SDHAF3: variants seen among roughly 807,000 people sequenced by gnomAD.
The protein encoded by SDHAF3 is succinate dehydrogenase complex assembly factor 3.
A neutral mutation model predicts 11.5 loss-of-function variants in SDHAF3; 18 were observed. The ratio of observed to expected loss-of-function variants is 1.56; its 90% CI spans 1.08 to 2.32. The LOEUF is 2.32. SDHAF3 is among the 30% of genes most tolerant of loss of function. The pLI, the probability that SDHAF3 is intolerant of heterozygous loss-of-function variation, is 0.00. For synonymous variants in SDHAF3, 72 were observed against 59.3 expected (o/e 1.21, Z -0.99); for missense variants, 200 against 154.4 (o/e 1.30, Z -1.57).
At chr7:97,172,833 T>C (rs962986553) in intron 1 of SDHAF3, among the ~76,000 whole-genome samples, 2 of 152,232 alleles carry the variant, frequency 1.3e-5, no homozygotes, top group African/African-American at 4.8e-5. Context: ...TATAATAAGA[T>C]GTTTAAGAAA....
intron 1 of SDHAF3, among the ~76,000 whole-genome samples, chr7:97,175,113 T>C (rs761571116): frequency 2.0e-5 from 3 of 152,222 alleles, no homozygotes; most frequent in Non-Finnish European, 4.4e-5. Context: ...TGAAATGGTT[T>C]ATTTAGTTTG....
At chr7:97,167,210 C>T (rs150728991) in intron 1 of SDHAF3, among the ~76,000 whole-genome samples, 11 of 152,074 alleles carry the variant, frequency 7.2e-5, no homozygotes, top group African/African-American at 2.4e-4. Flanking sequence ...GCAGATTTCC[C>T]CCTTGCTGTT....
At chr7:97,171,159 GATATTTTTAATA>G (rs996151236) in intron 1 of SDHAF3, among the ~76,000 whole-genome samples, 1 of 151,986 alleles carries the variant, frequency 6.6e-6, no homozygotes, top group African/African-American at 2.4e-5. Context: ...TAGGAGGCAT[GATATTTTTAATA>G]AGTTCTCTAG....
At chr7:97,127,448 C>T (rs375179547) in intron 1 of SDHAF3, among the ~76,000 whole-genome samples, 15 of 152,268 alleles carry the variant, frequency 9.9e-5, no homozygotes, top group African/African-American at 2.9e-4. Context: ...ATGCTTCAGA[C>T]TTCAGGTAGC....
In SDHAF3 at chr7:97,171,155, G is replaced by A. The variant is rs1347318216; in HGVS notation, c.175-9857G>A. On this transcript the variant is annotated intron_variant, in intron 1 of 1. Coordinates refer to ENST00000432641, the MANE Select transcript of SDHAF3 (RefSeq NM_020186.3). ...TTTTTTGTTTTTGCTCCTCTAGGAG[G>A]CATGATATTTTTAATAAGTTCTCTA... Among the ~76,000 whole-genome samples the A allele has an allele frequency of 3.9e-5, 6 of 152,018 alleles. No homozygotes were observed. In the East Asian group the frequency reaches 1.2e-3, roughly 29 times the overall value.
chr7:97,178,637 G>A (rs190798826), intron 1 of SDHAF3, among the ~76,000 whole-genome samples: 16 of 152,158 alleles, frequency 1.1e-4, no homozygotes, highest in Admixed American at 6.5e-4. Flanking sequence ...ATCTTTTCAT[G>A]TACTTGGCCA....
Position 97,117,748 on chromosome 7 carries a change from G to A in SDHAF3, c.25G>A (p.Val9Ile), listed in dbSNP as rs774497047. ...TATGCCGGGGCGGCACGTTTCTCGA[G>A]TCCGGGCATTGTACAAGCGCGTCTT... MPGRHVSR[V>I]RALYKRVLQL... Residue 9 changes from valine to isoleucine, a missense_variant, in exon 1 of 2, where the codon GTC (valine) becomes ATC (isoleucine). Val to Ile is a conservative substitution (Grantham distance 29). Transcript: ENST00000432641. 8.7e-5 allele frequency: 141 copies of A among 1,613,742 alleles called. No individual in the cohort carries two copies. The highest frequency in any genetic ancestry group is 1.1e-4 in the Non-Finnish European group (135 of 1,179,892).
chr7:97,176,353 G>A (rs541164507), intron 1 of SDHAF3, among the ~76,000 whole-genome samples: 55 of 152,208 alleles, frequency 3.6e-4, no homozygotes, highest in Admixed American at 2.0e-3. Context: ...TCTAACTTTC[G>A]GGATAGCATT....
In SDHAF3 at chr7:97,123,336, T is replaced by A. The variant is rs1471232918; in HGVS notation, c.174+5439T>A. ...CAAAGGACATAAACTCATTCTTTTT[T>A]ATGGCTGCATAGTATTCCATGATGT... is the stretch of plus-strand genomic sequence containing the variant. On this transcript the variant is annotated intron_variant, in intron 1 of 1. Coordinates refer to ENST00000432641, the MANE Select transcript of SDHAF3 (RefSeq NM_020186.3). 2.0e-5 allele frequency among the ~76,000 whole-genome samples: 3 copies of A among 152,208 alleles called. No individual in the cohort carries two copies. The South Asian group carries it at 6.2e-4, about 31-fold the overall frequency.
intron 1 of SDHAF3, among the ~76,000 whole-genome samples, chr7:97,172,980 C>T (rs1279190700): frequency 6.6e-6 from 1 of 151,990 alleles, no homozygotes; most frequent in Non-Finnish European, 1.5e-5. Flanking sequence ...TGAAATGGCT[C>T]CACCTCAGAT....
At chr7:97,134,093 C>T (rs1174542653) in intron 1 of SDHAF3, among the ~76,000 whole-genome samples, 1 of 152,196 alleles carries the variant, frequency 6.6e-6, no homozygotes, top group South Asian at 2.1e-4. Flanking sequence ...AGCTGACTCC[C>T]TCCCCCCTTT....
At chr7:97,131,552 A>G (rs2115637405) in intron 1 of SDHAF3, among the ~76,000 whole-genome samples, 1 of 152,288 alleles carries the variant, frequency 6.6e-6, no homozygotes, top group African/African-American at 2.4e-5. Flanking sequence ...CTCAAGAGGG[A>G]AAATATATTT....
chr7:97,173,576 TCA>T (rs534540394), intron 1 of SDHAF3, among the ~76,000 whole-genome samples: 2,983 of 9,794 alleles, frequency 0.3, 46 homozygotes, highest in South Asian at 0.51. Flanking sequence ...GATGAGAGTC[TCA>T]CTCTCTCTCT....
In SDHAF3 at chr7:97,117,756, A is replaced by G. The variant is rs753066403; in HGVS notation, c.33A>G (p.Ala11=). The G allele has an allele frequency of 2.2e-5, 35 of 1,613,874 alleles. No individual in the cohort carries two copies. The highest frequency in any genetic ancestry group is 1.3e-4 in the East Asian group (6 of 44,892). MPGRHVSRVR[A]LYKRVLQLHR... ...GGCGGCACGTTTCTCGAGTCCGGGC[A>G]TTGTACAAGCGCGTCTTGCAGCTGC... is the stretch of plus-strand genomic sequence containing the variant. Residue 11 remains alanine, a synonymous_variant, in exon 1 of 2, where the codon GCA becomes GCG. Transcript: ENST00000432641.
At chr7:97,123,746 GTGA>G (rs1355896467) in intron 1 of SDHAF3, among the ~76,000 whole-genome samples, 1 of 150,922 alleles carries the variant, frequency 6.6e-6, no homozygotes, top group Non-Finnish European at 1.5e-5. Flanking sequence ...CTAATGACCA[GTGA>G]TGATGAGCTT....
In SDHAF3 at chr7:97,126,394, A is replaced by C. The variant is rs368794174; in HGVS notation, c.174+8497A>C. On this transcript the variant is annotated intron_variant, in intron 1 of 1. Coordinates refer to ENST00000432641, the MANE Select transcript of SDHAF3 (RefSeq NM_020186.3). ...CAGAGCCGTCAGGCAGGAACATTTAAGTCTGCTGAAGTTGTGCCCACAGCT... is the reference window on the plus strand; with the variant it reads ...CAGAGCCGTCAGGCAGGAACATTTACGTCTGCTGAAGTTGTGCCCACAGCT... Among the ~76,000 whole-genome samples, 35 of 152,280 alleles carry C rather than the reference A, an allele frequency of 2.3e-4. No individual in the cohort carries two copies. The East Asian group carries it at 2.9e-3, about 13-fold the overall frequency.
In SDHAF3 at chr7:97,117,707, G is replaced by T; in HGVS notation, c.-17G>T. The T allele has an allele frequency of 6.2e-7, 1 of 1,605,462 alleles. No homozygotes were observed. The highest frequency in any genetic ancestry group is 2.2e-5 in the East Asian group (1 of 44,742). On this transcript the variant is annotated 5_prime_UTR_variant, in exon 1 of 2. Coordinates refer to ENST00000432641, the MANE Select transcript of SDHAF3 (RefSeq NM_020186.3). The stretch of plus-strand genomic sequence containing the variant: ...GTCCCTCTGCGCAGGCGCAGTCGGC[G>T]GTCGGCGTGGGGCGCTATGCCGGGG...
intron 1 of SDHAF3, among the ~76,000 whole-genome samples, chr7:97,177,031 T>C (rs1006132837): frequency 7.9e-5 from 12 of 152,184 alleles, no homozygotes; most frequent in African/African-American, 2.7e-4. Flanking sequence ...TACATTTGCA[T>C]ATATTTGTAA....
intron 1 of SDHAF3, among the ~76,000 whole-genome samples, chr7:97,150,206 G>T (rs1789196552): frequency 6.6e-6 from 1 of 152,160 alleles, no homozygotes; most frequent in South Asian, 2.1e-4. Context: ...TCATCCATGA[G>T]GGTTGGAATC....
Sources: allele counts gnomAD v4.1 joint callset (sites outside exome capture counted in the v4.1 genomes callset), GRCh38; gene constraint gnomAD v4.1.1; transcripts MANE v1.5; gene names NCBI Gene and HGNC (gene_info 2026-07-23, HGNC 2026-07-21).